The following CSMD1 variants were observed in gnomAD, a reference collection of about 807,000 sequenced individuals.
CSMD1 encodes CUB and Sushi multiple domains 1.
CSMD1 carries 213 observed loss-of-function variants against 417.5 expected under a neutral mutation model. That is an observed-to-expected ratio of 0.51 (90% CI 0.46 to 0.57). The LOEUF (loss-of-function observed/expected upper bound fraction) is 0.57, where lower values mean the gene tolerates loss of function less well. CSMD1 is among the 20% of genes least tolerant of loss of function. The pLI, the probability that CSMD1 is intolerant of heterozygous loss-of-function variation, is 0.00. For missense variants in CSMD1, 6,923 were observed against 4,529.7 expected (o/e 1.53, Z -15.17); for synonymous variants, 2,862 against 1,736.8 (o/e 1.65, Z -16.11).
At chr8:4,624,119 A>G (rs1801954269) in intron 2 of CSMD1, among the ~76,000 whole-genome samples, 1 of 152,158 alleles carries the variant, frequency 6.6e-6, no homozygotes, top group Non-Finnish European at 1.5e-5. Context: ...CTCTCTGTAT[A>G]CCAAAATTCT....
At chr8:4,986,092 T>G (rs1418104977) in intron 1 of CSMD1, among the ~76,000 whole-genome samples, 1 of 152,232 alleles carries the variant, frequency 6.6e-6, no homozygotes, top group Non-Finnish European at 1.5e-5. Context: ...AGGGATAGTT[T>G]GAAATGTGGT....
At chr8:3,631,229 A>C (rs1796767383) in intron 7 of CSMD1, among the ~76,000 whole-genome samples, 1 of 152,164 alleles carries the variant, frequency 6.6e-6, no homozygotes, top group Non-Finnish European at 1.5e-5. Context: ...ACAGCACGTA[A>C]CACGATCACA....
At chr8:3,542,381 C>G (rs1380780262) in intron 10 of CSMD1, among the ~76,000 whole-genome samples, 1 of 152,144 alleles carries the variant, frequency 6.6e-6, no homozygotes, top group South Asian at 2.1e-4. Context: ...TTTTATTTTA[C>G]AAATATATTT....
intron 20 of CSMD1, among the ~76,000 whole-genome samples, chr8:3,366,197 C>T (rs998514034): frequency 6.6e-6 from 1 of 152,070 alleles, no homozygotes; most frequent in Admixed American, 6.6e-5. Flanking sequence ...ATGATTGTTC[C>T]CATCCTTTGG....
At chr8:4,925,317 T>G (rs1806783316) in intron 1 of CSMD1, among the ~76,000 whole-genome samples, 1 of 137,024 alleles carries the variant, frequency 7.3e-6, no homozygotes, top group Admixed American at 8.5e-5. Context: ...CACAAGTAGG[T>G]GGTCTTTGAC....
At chr8:4,019,411 CT>C (rs1226294408) in intron 4 of CSMD1, among the ~76,000 whole-genome samples, 1 of 152,130 alleles carries the variant, frequency 6.6e-6, no homozygotes, top group Non-Finnish European at 1.5e-5. Flanking sequence ...CTGCTTTTAG[CT>C]TCCCTATCTT....
At chr8:4,052,484 G>A (rs1053074968) in intron 3 of CSMD1, among the ~76,000 whole-genome samples, 21 of 152,072 alleles carry the variant, frequency 1.4e-4, no homozygotes, top group African/African-American at 5.1e-4. Flanking sequence ...CTTTACCCAG[G>A]GTCAGAGTGC....
chr8:4,012,005 T>A (rs1816577594), intron 4 of CSMD1, among the ~76,000 whole-genome samples: 1 of 149,638 alleles, frequency 6.7e-6, no homozygotes, highest in Non-Finnish European at 1.5e-5. Flanking sequence ...TATACTGTAT[T>A]GTTTAGGTAA....
intron 1 of CSMD1, among the ~76,000 whole-genome samples, chr8:4,851,031 G>A (rs1801445159): frequency 6.6e-6 from 1 of 151,736 alleles, no homozygotes; most frequent in Non-Finnish European, 1.5e-5. Context: ...CATGTGCCAT[G>A]TTGGTGTGCT....
Position 3,857,790 on chromosome 8 carries a change from G to C in CSMD1, c.819-103748C>G, listed in dbSNP as rs1804417396. ...TGAAGAGAGATGCAATGGGGGAAAA[G>C]GATACAACACCAGGCCAGAGTAGAA... On this transcript the variant is annotated intron_variant, in intron 5 of 69. Transcript: ENST00000635120. 2.0e-5 allele frequency among the ~76,000 whole-genome samples: 3 copies of C among 152,172 alleles called. No individual in the cohort carries two copies. In the South Asian group the frequency reaches 6.2e-4, roughly 31 times the overall value.
At chr8:3,368,841 T>C (rs780036551) in intron 19 of CSMD1, among the ~76,000 whole-genome samples, 3 of 152,234 alleles carry the variant, frequency 2.0e-5, no homozygotes, top group Non-Finnish European at 4.4e-5. Context: ...ATTCATTATG[T>C]ATGATGATAC....
chr8:3,072,040 G>C (rs1048320820), intron 49 of CSMD1, among the ~76,000 whole-genome samples: 13 of 152,208 alleles, frequency 8.5e-5, no homozygotes, highest in Non-Finnish European at 1.6e-4. Context: ...TCTGGATAAT[G>C]CATTCCATAC....
intron 1 of CSMD1, among the ~76,000 whole-genome samples, chr8:4,709,665 G>C (rs1197159916): frequency 6.6e-6 from 1 of 152,186 alleles, no homozygotes; most frequent in Non-Finnish European, 1.5e-5. Flanking sequence ...CAGCAAAGAT[G>C]AATGTTTAAC....
intron 3 of CSMD1, among the ~76,000 whole-genome samples, chr8:4,407,095 C>T (rs75180143): frequency 6.6e-6 from 1 of 152,138 alleles, no homozygotes; most frequent in East Asian, 1.9e-4. Context: ...CGCTTTCATA[C>T]TGTAGCAGCA....
At chr8:4,314,661 G>A (rs6982554) in intron 3 of CSMD1, among the ~76,000 whole-genome samples, 1 of 151,992 alleles carries the variant, frequency 6.6e-6, no homozygotes, top group Admixed American at 6.6e-5. Flanking sequence ...ATTACCATTT[G>A]TGAGTTAAGT....
At chr8:4,787,178 G>C (rs75152972) in intron 1 of CSMD1, among the ~76,000 whole-genome samples, 2 of 152,204 alleles carry the variant, frequency 1.3e-5, no homozygotes, top group South Asian at 2.1e-4. Context: ...AGCGGAGCTC[G>C]GAAAGAGTGG....
intron 7 of CSMD1, among the ~76,000 whole-genome samples, chr8:3,668,646 C>T (rs545380550): frequency 1.3e-5 from 2 of 152,056 alleles, no homozygotes; most frequent in South Asian, 4.2e-4. Flanking sequence ...ACAGAGTGTG[C>T]AATATAGAAG....
chr8:3,276,315 C>T lies in CSMD1; in HGVS notation c.4153+7829G>A, dbSNP rs563469124. On this transcript the variant is annotated intron_variant, in intron 26 of 69. Transcript: ENST00000635120. ...CAGCTGCATGCTGGGAGAACCACTG[C>T]TCTCTTCAAAGCTCAGATGGAAATG... Among the ~76,000 whole-genome samples the T allele has an allele frequency of 3.3e-5, 5 of 152,298 alleles. 1 individual carries two copies. The South Asian group carries it at 6.2e-4, about 19-fold the overall frequency.
intron 2 of CSMD1, among the ~76,000 whole-genome samples, chr8:4,526,331 A>C (rs970729665): frequency 4.6e-5 from 7 of 152,234 alleles, no homozygotes; most frequent in African/African-American, 1.7e-4. Context: ...CTTTTGCAAA[A>C]TACTATGGTA....
Sources: allele counts gnomAD v4.1 joint callset (sites outside exome capture counted in the v4.1 genomes callset), GRCh38; gene constraint gnomAD v4.1.1; transcripts MANE v1.5; gene names NCBI Gene and HGNC (gene_info 2026-07-23, HGNC 2026-07-21).